The following FMNL1 variants were observed in gnomAD, a reference collection of about 807,000 sequenced individuals.
FMNL1 encodes formin-like protein 1.
Under a neutral mutation model 121.3 loss-of-function variants are expected in FMNL1, and 43 were observed. That is an observed-to-expected ratio of 0.35 (90% CI 0.28 to 0.46). The LOEUF (loss-of-function observed/expected upper bound fraction) is 0.46. FMNL1 is among the 20% of genes least tolerant of loss of function. The pLI is 1.00. For missense variants in FMNL1, 1,191 were observed against 1,482.4 expected (o/e 0.80, Z 3.23); for synonymous variants, 613 against 613.5 (o/e 1.00, Z 0.01).
Position 45,242,099 on chromosome 17 carries a change from G to A in FMNL1, c.1838G>A (p.Gly613Glu). 6.5e-7 allele frequency: 1 copy of A among 1,529,308 alleles called. No homozygotes were observed. Among genetic ancestry groups the A allele is most frequent in the Non-Finnish European group, 8.8e-7 (1 of 1,140,712 alleles). 94.7% of individuals were successfully genotyped at this position (1,529,308 alleles called of 1,614,324 possible). The change falls in exon 15 of 27, where the codon GGA becomes GAA. Residue 613 changes from glycine to glutamate, a missense_variant. Physicochemically the swap from Gly to Glu is moderately conservative, Grantham distance 98. This residue lies in a region of FMNL1 where 519 missense variants were observed against 492.8 expected (regional missense o/e 1.05). Transcript: ENST00000331495. ...CCGCCGCCGCCGCCGCCGCCTCCCG[G>A]AGGTCCTCCTGATGCCCTAGGAAGA... Reference protein sequence around the residue: ...PPPPPPPPPPGGPPDALGRRD... With the variant: ...PPPPPPPPPPEGPPDALGRRD...
At position 45,246,193 on chromosome 17, in the gene FMNL1, C is replaced by A; in HGVS notation, c.3091-17C>A. ...ATGGGGAGGCATCCTGGAGCTGGAG[C>A]TATAAATTCCCCCTAGTCACCGCCA... On this transcript the variant is annotated splice_polypyrimidine_tract_variant and intron_variant, in intron 24 of 26. Transcript: ENST00000331495. 6.3e-7 allele frequency: 1 copy of A among 1,598,088 alleles called. No homozygotes were observed. The highest frequency in any genetic ancestry group is 8.6e-7 in the Non-Finnish European group (1 of 1,169,164).
rs2043715692 is a variant in FMNL1 at position 45,242,068 on chromosome 17, C to CCGT, written c.1809_1810insTCG (p.Pro603_Pro604insSer). ...TCCGGGCACTGACGGGCCGGTGCCTCCGCCGCCGCCGCCGCCGCCGCCGCC... is the reference window on the plus strand; with the variant it reads ...TCCGGGCACTGACGGGCCGGTGCCTCCGTCGCCGCCGCCGCCGCCGCCGCCGCC... On this transcript the variant is annotated inframe_insertion, in exon 15 of 27. Transcript: ENST00000331495. 77 of 944,914 alleles carry CCGT rather than the reference C, an allele frequency of 8.1e-5. No homozygotes were observed. The highest frequency in any genetic ancestry group is 9.5e-5 in the Non-Finnish European group (72 of 754,826). 58.5% of individuals were successfully genotyped at this position (944,914 alleles called of 1,614,324 possible).
At chr17:45,244,702 G>A in intron 19 of FMNL1, 117 bp from the exon 20 acceptor site, 1 of 1,048,606 alleles carries the variant, frequency 9.5e-7, no homozygotes, top group Non-Finnish European at 1.4e-6. Flanking sequence ...CAGGAGTACA[G>A]TAGGGGCTGA....
At chr17:45,235,147 T>A (rs2043524788) in intron 6 of FMNL1, among the ~76,000 whole-genome samples, 1 of 152,250 alleles carries the variant, frequency 6.6e-6, no homozygotes, top group South Asian at 2.1e-4. Context: ...AACATTTTTT[T>A]AACACTTAGT....
rs760566807 is a variant in FMNL1, at chr17:45,241,279, G to A, written c.1332+49G>A. 6.2e-7 allele frequency: 1 copy of A among 1,612,498 alleles called. No homozygotes were observed. The highest frequency in any genetic ancestry group is 2.2e-5 in the East Asian group (1 of 44,808). On this transcript the variant is annotated intron_variant, in intron 13 of 26. Coordinates refer to ENST00000331495, the MANE Select transcript of FMNL1 (RefSeq NM_005892.4). The surrounding 1 kb of genome is among the most constrained non-coding windows in gnomAD (Gnocchi z 7.0). ...CCAGGCGCCCAAGAACAGGCCAGCTGAGGCTTCTAGGCTTGACATCTCCCT... is the reference window on the plus strand; with the variant it reads ...CCAGGCGCCCAAGAACAGGCCAGCTAAGGCTTCTAGGCTTGACATCTCCCT...
chr17:45,238,736 C>G (rs577683238), intron 10 of FMNL1, 98 bp downstream of exon 10: 1 of 1,465,518 alleles, frequency 6.8e-7, no homozygotes, highest in Non-Finnish European at 9.4e-7. Flanking sequence ...GCTCTGCCCC[C>G]GCAAAGCGTA....
rs560470776 is a variant in FMNL1, at chr17:45,245,719, A to T, written c.2980A>T (p.Ile994Phe). ...GLFFSLFSRF[I>F]KAYKKAEQEV... is the part of the protein sequence containing the mutation. Reference sequence around the variant, plus strand: ...GTTCTTCTCCCTCTTTAGCCGCTTCATTAAGGCCTACAAGGTATTCGGGTC... The same window carrying T: ...GTTCTTCTCCCTCTTTAGCCGCTTCTTTAAGGCCTACAAGGTATTCGGGTC... Residue 994 changes from isoleucine (I) to phenylalanine (F), a missense_variant, in exon 23 of 27, where the codon ATT becomes TTT. This residue lies in a region of FMNL1 where 367 missense variants were observed against 528.6 expected (regional missense o/e 0.69). Coordinates refer to ENST00000331495, the MANE Select transcript of FMNL1 (RefSeq NM_005892.4). 13 of 1,613,906 alleles carry T rather than the reference A, an allele frequency of 8.1e-6. No homozygotes were observed. The highest frequency in any genetic ancestry group is 5.0e-5 in the Admixed American group (3 of 60,002).
intron 6 of FMNL1, among the ~76,000 whole-genome samples, chr17:45,235,555 C>T (rs2043532579): frequency 6.6e-6 from 1 of 152,162 alleles, no homozygotes; most frequent in Non-Finnish European, 1.5e-5. Context: ...TCCCGGTCGG[C>T]AGTTCTGCAA....
chr17:45,232,645 C>T lies in FMNL1; in HGVS notation c.327+165C>T, dbSNP rs371739935. ...TGTATTTATAGGGGAATGAGAGTGC[C>T]CTGGGTGTGCACTTTAGATATTCCT... is the stretch of plus-strand genomic sequence containing the variant. On this transcript the variant is annotated intron_variant, in intron 3 of 26. Coordinates refer to ENST00000331495, the MANE Select transcript of FMNL1 (RefSeq NM_005892.4). 2.7e-3 allele frequency among the ~76,000 whole-genome samples: 407 copies of T among 151,442 alleles called. 25 individuals are homozygous for T. The South Asian group carries it at 0.083, about 31-fold the overall frequency.
At position 45,241,767 on chromosome 17, in the gene FMNL1, G is replaced by C; in HGVS notation, c.1586-80G>C. 2.8e-6 allele frequency: 4 copies of C among 1,415,718 alleles called. No individual in the cohort carries two copies. The East Asian group carries it at 1.1e-4, about 37-fold the overall frequency. 87.7% of individuals were successfully genotyped at this position (1,415,718 alleles called of 1,614,324 possible). ...CGGCTCAGGTAGGAGCGCATGCGTA[G>C]AGCGGAGAGGCGGAGAGGGGCCCAC... On this transcript the variant is annotated intron_variant, in intron 14 of 26. Transcript: ENST00000331495. This position sits in a 1 kb window ranked among gnomAD's most constrained non-coding sequence, Gnocchi z 7.0.
In FMNL1 at chr17:45,237,483, G is replaced by A; in HGVS notation, c.801-63G>A. 1.2e-5 allele frequency: 19 copies of A among 1,610,696 alleles called. No individual in the cohort carries two copies. The highest frequency in any genetic ancestry group is 1.4e-5 in the Non-Finnish European group (17 of 1,177,090). ...CACTATGCTCCTCCTAGCCAGGCCT[G>A]TGCCCACCCTTGCCGCGGGTCCTGC... is the stretch of plus-strand genomic sequence containing the variant. On this transcript the variant is annotated intron_variant, in intron 8 of 26. Coordinates refer to ENST00000331495, the MANE Select transcript of FMNL1 (RefSeq NM_005892.4). The surrounding 1 kb of genome is among the most constrained non-coding windows in gnomAD (Gnocchi z 4.4).
At chr17:45,228,341 C>T (rs1334353616) in intron 1 of FMNL1, among the ~76,000 whole-genome samples, 1 of 152,192 alleles carries the variant, frequency 6.6e-6, no homozygotes, top group African/African-American at 2.4e-5. Flanking sequence ...GCATGGGCAC[C>T]CTGCCCTCCA....
In FMNL1 at chr17:45,232,811, A is replaced by T. The variant is rs1225692339; in HGVS notation, c.327+331A>T. The T allele has an allele frequency of 5.2e-6, 3 of 575,566 alleles. No individual in the cohort carries two copies. In the African/African-American group the frequency reaches 5.5e-5, roughly 11 times the overall value. The allele number at this position is 575,566 out of a possible 1,614,324, so 35.7% of individuals were successfully genotyped here. On this transcript the variant is annotated intron_variant, in intron 3 of 26. Coordinates refer to ENST00000331495, the MANE Select transcript of FMNL1 (RefSeq NM_005892.4). ...TGTCCACTTATGGATGTGTGTGTGT[A>T]CCATTGAGTCCATATCTAGGAGAGA...
At chr17:45,245,457 G>A (rs1471494577) in intron 22 of FMNL1, 41 bp downstream of exon 22, 1 of 1,613,518 alleles carries the variant, frequency 6.2e-7, no homozygotes, top group Non-Finnish European at 8.5e-7. Context: ...GGGCATGTAG[G>A]AGCACTAGAT....
intron 1 of FMNL1, among the ~76,000 whole-genome samples, chr17:45,227,228 C>T (rs907481476): frequency 5.3e-5 from 8 of 152,266 alleles, no homozygotes; most frequent in African/African-American, 9.6e-5. Flanking sequence ...TGGACTGAGA[C>T]GTAGGCTCCG....
intron 11 of FMNL1, 97 bp downstream of exon 11, chr17:45,239,162 G>A: frequency 1.0e-6 from 1 of 973,032 alleles, no homozygotes; most frequent in South Asian, 1.4e-5. Flanking sequence ...GTAGACCTGG[G>A]TTTAAATCCT....
intron 7 of FMNL1, 92 bp downstream of exon 7, chr17:45,236,336 C>G: frequency 9.5e-7 from 1 of 1,050,320 alleles, no homozygotes; most frequent in Non-Finnish European, 1.4e-6. Flanking sequence ...GATCCACTGT[C>G]CCTTTACCCT....
At chr17:45,234,673 AAAAAAAAAAAAAAAG>A (rs1429108353) in intron 6 of FMNL1, 2 of 145,174 alleles carry the variant, frequency 1.4e-5, no homozygotes, top group Admixed American at 1.6e-4. Context: ...CAAAAAAAAA[AAAAAAAAAAAAAAAG>A]AAAAGAAAAG....
At position 45,236,205 on chromosome 17, in the gene FMNL1, C is replaced by T. The variant is rs757427674; in HGVS notation, c.684C>T (p.His228=). 1.3e-5 allele frequency: 21 copies of T among 1,613,954 alleles called. No individual in the cohort carries two copies. The highest frequency in any genetic ancestry group is 3.3e-5 in the South Asian group (3 of 91,092). ...TCGTCAGCCAGAAGGACGACGTCCA[C>T]GTCTGTATTATGTGCCTACGCGCCA... ...SRIVSQKDDV[H]VCIMCLRAIM... Residue 228 remains histidine, a synonymous_variant, in exon 7 of 27, where the codon CAC becomes CAT. Coordinates refer to ENST00000331495, the MANE Select transcript of FMNL1 (RefSeq NM_005892.4).
Sources: allele counts gnomAD v4.1 joint callset (sites outside exome capture counted in the v4.1 genomes callset), GRCh38; gene constraint gnomAD v4.1.1; regional missense constraint gnomAD v4.1.1; non-coding constraint Gnocchi (gnomAD v3.1); transcripts MANE v1.5; gene names NCBI Gene and HGNC (gene_info 2026-07-23, HGNC 2026-07-21).